HEATR1: variants seen among roughly 807,000 people sequenced by gnomAD.
HEATR1 encodes HEAT repeat containing 1.
Under a neutral mutation model 248.2 loss-of-function variants are expected in HEATR1, and 77 were observed. The observed-to-expected ratio is 0.31, with a 90% CI of 0.26 to 0.37. The LOEUF is 0.37. Among genes scored for constraint, HEATR1 ranks in the 10% least tolerant of loss-of-function variants. The pLI is 1.00. For synonymous variants in HEATR1, 897 were observed against 923.1 expected (o/e 0.97, Z 0.51); for missense variants, 2,420 against 2,504.9 (o/e 0.97, Z 0.72).
chr1:236,551,752 G>A (rs1662756289), intron 44 of HEATR1: 1 of 401,866 alleles, frequency 2.5e-6, no homozygotes, highest in Admixed American at 4.3e-5. Flanking sequence ...AAAAGATCGT[G>A]AAGATTACAC....
In HEATR1 at chr1:236,572,504, T is replaced by A; in HGVS notation, c.3614A>T (p.Gln1205Leu). ...SVQEVGGSYW[Q>L]RVTLILELLQ... Reference sequence around the variant, plus strand: ...TAATTCCAGGATGAGAGTTACTCTTTGCCAGTAAGAACCTCCAACTTCCTG... The same window carrying A: ...TAATTCCAGGATGAGAGTTACTCTTAGCCAGTAAGAACCTCCAACTTCCTG... Residue 1205 changes from glutamine (Q) to leucine (L), a missense_variant, in exon 26 of 45, where the codon CAA becomes CTA. Physicochemically the swap from Gln to Leu is moderately radical, Grantham distance 113. Coordinates refer to ENST00000366582, the MANE Select transcript of HEATR1 (RefSeq NM_018072.6). 3.7e-6 allele frequency: 6 copies of A among 1,614,100 alleles called. No individual in the cohort carries two copies. Among genetic ancestry groups the A allele is most frequent in the Non-Finnish European group, 4.2e-6 (5 of 1,179,938 alleles).
intron 20 of HEATR1, 148 bp from the exon 21 acceptor site, chr1:236,577,097 G>A: frequency 1.6e-6 from 1 of 632,954 alleles, no homozygotes; most frequent in Non-Finnish European, 2.6e-6. Flanking sequence ...TAATATTCCA[G>A]AGAAAGGTTA....
rs370381348 is a variant in HEATR1, at chr1:236,598,004, T to C, written c.502-25A>G. On this transcript the variant is annotated intron_variant, in intron 4 of 44. Coordinates refer to ENST00000366582, the MANE Select transcript of HEATR1 (RefSeq NM_018072.6). The stretch of plus-strand genomic sequence containing the variant: ...GCTGTTATTGATGGAAAGAACAAAC[T>C]ACTAGCAACATTCATCAACTGATCC... 11 of 1,440,412 alleles carry C rather than the reference T, an allele frequency of 7.6e-6. No individual in the cohort carries two copies. The African/African-American group carries it at 1.5e-4, about 20-fold the overall frequency. 89.2% of individuals were successfully genotyped at this position (1,440,412 alleles called of 1,614,324 possible).
At chr1:236,554,072 T>C (rs1031754439) in intron 42 of HEATR1, among the ~76,000 whole-genome samples, 2 of 152,176 alleles carry the variant, frequency 1.3e-5, no homozygotes, top group African/African-American at 2.4e-5. Flanking sequence ...GTCTGTCTTT[T>C]GAGCAGTTTA....
chr1:236,570,419 T>C (rs1663396058), intron 28 of HEATR1, among the ~76,000 whole-genome samples: 1 of 151,938 alleles, frequency 6.6e-6, no homozygotes, highest in Non-Finnish European at 1.5e-5. Context: ...AGAAAATGGA[T>C]TACTAGTGGC....
At chr1:236,598,861 C>G (rs1053194108) in intron 4 of HEATR1, among the ~76,000 whole-genome samples, 1 of 152,140 alleles carries the variant, frequency 6.6e-6, no homozygotes, top group Admixed American at 6.5e-5. Flanking sequence ...ATCTACTTTC[C>G]TCCACCATAT....
In HEATR1 at chr1:236,576,286, C is replaced by T. The variant is rs1245609152; in HGVS notation, c.3017G>A (p.Cys1006Tyr). 1 of 1,612,108 alleles carries T rather than the reference C, an allele frequency of 6.2e-7. No individual in the cohort carries two copies. Among genetic ancestry groups the T allele is most frequent in the East Asian group, 2.2e-5 (1 of 44,780 alleles). ...LSETLKNLLS[C>Y]VYSCPSYIAK... ...TATATAAGATGGGCAACTATACACA[C>T]AACTAAGTAAGTTTTTCAAAGTTTC... is the stretch of plus-strand genomic sequence containing the variant. The change falls in exon 22 of 45, where the codon TGT becomes TAT. Residue 1006 changes from cysteine to tyrosine, a missense_variant. Transcript: ENST00000366582.
At chr1:236,568,900 A>AACT in intron 29 of HEATR1, 96 bp downstream of exon 29, 1 of 577,740 alleles carries the variant, frequency 1.7e-6, no homozygotes, top group Non-Finnish European at 2.3e-6. Flanking sequence ...AAAAAAAACA[A>AACT]AAAAAAAAAA....
intron 8 of HEATR1, among the ~76,000 whole-genome samples, chr1:236,594,781 C>T (rs760749717): frequency 6.6e-6 from 1 of 152,062 alleles, no homozygotes; most frequent in Non-Finnish European, 1.5e-5. Context: ...AGACATAATG[C>T]AAATAATCAC....
chr1:236,566,113 T>C, intron 30 of HEATR1, 68 bp from the exon 31 acceptor site: 5 of 1,487,676 alleles, frequency 3.4e-6, no homozygotes, highest in Non-Finnish European at 4.6e-6. Flanking sequence ...TTCAGGATAA[T>C]GTGCGTTAGG....
At position 236,588,666 on chromosome 1, in the gene HEATR1, A is replaced by G. The variant is rs937177777; in HGVS notation, c.1531-623T>C. Among the ~76,000 whole-genome samples the G allele has an allele frequency of 3.3e-5, 5 of 152,212 alleles. 1 individual carries two copies. The highest frequency in any genetic ancestry group is 6.5e-5 in the Admixed American group (1 of 15,280). ...ATCATTTTTTAAATATAACAAATAA[A>G]AGAAAACAATGTATATTCATTCACA... On this transcript the variant is annotated intron_variant, in intron 12 of 44. Coordinates refer to ENST00000366582, the MANE Select transcript of HEATR1 (RefSeq NM_018072.6).
At chr1:236,603,784 C>A (rs1664391392) in intron 2 of HEATR1, among the ~76,000 whole-genome samples, 170 bp downstream of exon 2, 1 of 151,582 alleles carries the variant, frequency 6.6e-6, no homozygotes, top group Non-Finnish European at 1.5e-5. Context: ...ATTTCAAGCA[C>A]CAAGCACCTG....
chr1:236,585,550 T>C (rs1180992118), intron 16 of HEATR1, among the ~76,000 whole-genome samples: 2 of 152,102 alleles, frequency 1.3e-5, no homozygotes, highest in African/African-American at 2.4e-5. Context: ...AGACTAATAT[T>C]TTAAATGGGA....
rs1663453138 is a variant in HEATR1, at chr1:236,572,427, A to G, written c.3691T>C (p.Phe1231Leu). Residue 1231 changes from phenylalanine to leucine, a missense_variant, in exon 26 of 45, where the codon TTT becomes CTT. By Grantham distance (22) the Phe-to-Leu change is conservative. Transcript: ENST00000366582. ...TGTCATTACCTTGATAGCAAGTTAA[A>G]AAGAGTTGGCACCAATATCTGAGGA... ...RSPQILVPTL[F>L]NLLSRCLEPL... The G allele has an allele frequency of 3.1e-6, 5 of 1,614,080 alleles. No individual in the cohort carries two copies. In the East Asian group the frequency reaches 8.9e-5, roughly 29 times the overall value.
chr1:236,596,299 A>C (rs1417087023), intron 6 of HEATR1, among the ~76,000 whole-genome samples: 1 of 152,196 alleles, frequency 6.6e-6, no homozygotes, highest in African/African-American at 2.4e-5. Flanking sequence ...TCCTGACAGG[A>C]GCCAGTAAGC....
In HEATR1 at chr1:236,549,993, T is replaced by C. The variant is rs1288949332; in HGVS notation, c.*909A>G. Reference sequence around the variant, plus strand: ...TAGCTTCAAAGGCTTTTAAACTCAATGCGAACATTCTACGGGATGTTCTTA... The same window carrying C: ...TAGCTTCAAAGGCTTTTAAACTCAACGCGAACATTCTACGGGATGTTCTTA... On this transcript the variant is annotated 3_prime_UTR_variant, in exon 45 of 45. Coordinates refer to ENST00000366582, the MANE Select transcript of HEATR1 (RefSeq NM_018072.6). The C allele has an allele frequency of 6.6e-6, 1 of 152,204 alleles. No homozygotes were observed. Among genetic ancestry groups the C allele is most frequent in the Non-Finnish European group, 1.5e-5 (1 of 68,038 alleles). The allele number at this position is 152,204 out of a possible 1,614,324, so 9.4% of individuals were successfully genotyped here.
intron 8 of HEATR1, among the ~76,000 whole-genome samples, chr1:236,594,346 A>G (rs2103153013): frequency 1.3e-5 from 2 of 152,312 alleles, no homozygotes; most frequent in South Asian, 2.1e-4. Flanking sequence ...TATTTTTAAC[A>G]AGTACTATCA....
At chr1:236,579,572 A>T (rs1394222878) in intron 20 of HEATR1, among the ~76,000 whole-genome samples, 1 of 152,204 alleles carries the variant, frequency 6.6e-6, no homozygotes, top group East Asian at 1.9e-4. Flanking sequence ...AAAAAGATAA[A>T]TTTTTCCATT....
intron 22 of HEATR1, 68 bp downstream of exon 22, chr1:236,576,151 C>T: frequency 1.6e-6 from 2 of 1,237,322 alleles, no homozygotes; most frequent in Non-Finnish European, 2.2e-6. Flanking sequence ...TCTTCTTCAC[C>T]CACAAGCAGT....
Sources: gnomAD v4.1 joint callset for allele counts (sites outside exome capture counted in the v4.1 genomes callset) on GRCh38, gnomAD v4.1.1 for gene constraint, MANE v1.5 for transcripts, NCBI Gene and HGNC (gene_info 2026-07-23, HGNC 2026-07-21) for gene names.